The following SMIM21 variants were observed in gnomAD, a reference collection of about 807,000 sequenced individuals.
SMIM21 encodes the protein chromosome 18 open reading frame 62.
A neutral mutation model predicts 8.6 loss-of-function variants in SMIM21; 8 were observed. The observed-to-expected ratio is 0.93, with a 90% CI of 0.55 to 1.68. The LOEUF is 1.68. Among genes scored for constraint, SMIM21 ranks in the 40% most tolerant of loss-of-function variants. The probability of loss-of-function intolerance (pLI) is 0.00; values close to 1 mark genes in which losing one functional copy is unlikely to be tolerated. For synonymous variants in SMIM21, 43 were observed against 41.7 expected (o/e 1.03, Z -0.12); for missense variants, 132 against 123.0 (o/e 1.07, Z -0.35).
In SMIM21 at chr18:75,418,899, A is replaced by G. The variant is rs776156779; in HGVS notation, c.147T>C (p.His49=). Residue 49 remains histidine (H), a synonymous_variant, in exon 2 of 3, where the codon CAT becomes CAC. Transcript: ENST00000579022. The part of the protein sequence containing the change: ...KALTTFENEH[H]IRFFTLLVLF... Reference sequence around the variant, plus strand: ...GAACCAACAATGTGAAGAAACGAATATGGTGTTCATTTTCAAACTGAAAAA... The same window carrying G: ...GAACCAACAATGTGAAGAAACGAATGTGGTGTTCATTTTCAAACTGAAAAA... The G allele has an allele frequency of 3.1e-6, 5 of 1,600,808 alleles. No homozygotes were observed. The highest frequency in any genetic ancestry group is 2.7e-5 in the African/African-American group (2 of 74,648).
intron 1 of SMIM21, among the ~76,000 whole-genome samples, chr18:75,420,574 A>G (rs567916335): frequency 6.6e-6 from 1 of 152,320 alleles, no homozygotes; most frequent in East Asian, 1.9e-4. Context: ...TTAATGTTGC[A>G]AAAGGGCCAT....
chr18:75,421,694 A>C (rs1369232321), intron 1 of SMIM21, among the ~76,000 whole-genome samples: 3 of 152,182 alleles, frequency 2.0e-5, no homozygotes, highest in African/African-American at 7.2e-5. Context: ...GGAAGGCTGC[A>C]GGCCTGTAGG....
chr18:75,422,585 G>A (rs2144558117), intron 1 of SMIM21, among the ~76,000 whole-genome samples: 1 of 152,260 alleles, frequency 6.6e-6, no homozygotes, highest in Admixed American at 6.5e-5. Flanking sequence ...AGTGATGAAT[G>A]GATATACTAA....
chr18:75,420,821 G>A (rs2024700251), intron 1 of SMIM21, among the ~76,000 whole-genome samples: 1 of 152,136 alleles, frequency 6.6e-6, no homozygotes, highest in Non-Finnish European at 1.5e-5. Flanking sequence ...CCTTTTTCCA[G>A]GATCCTCCAG....
chr18:75,417,874 G>A (rs898093072), intron 2 of SMIM21: 4 of 243,096 alleles, frequency 1.6e-5, no homozygotes, highest in South Asian at 1.8e-4. Context: ...GATGGTCTTT[G>A]TAATGAGCTC....
intron 1 of SMIM21, among the ~76,000 whole-genome samples, chr18:75,421,574 T>C (rs937373289): frequency 2.0e-5 from 3 of 151,998 alleles, no homozygotes; most frequent in African/African-American, 4.8e-5. Context: ...AGTGTTTCTC[T>C]CACGTGGAGC....
intron 2 of SMIM21, 101 bp downstream of exon 2, chr18:75,418,685 G>A: frequency 8.4e-7 from 1 of 1,183,636 alleles, no homozygotes; most frequent in Middle Eastern, 2.2e-4. Flanking sequence ...TTGATTGCTT[G>A]ATGAATGTTC....
chr18:75,425,216 C>T (rs1368104861), intron 1 of SMIM21, among the ~76,000 whole-genome samples: 1 of 152,174 alleles, frequency 6.6e-6, no homozygotes, highest in African/African-American at 2.4e-5. Flanking sequence ...CCACAGCCTC[C>T]ATCCAGAGAT....
In SMIM21 at chr18:75,427,533, G is replaced by C. The variant is rs573792667; in HGVS notation, c.31C>G (p.Arg11Gly). Residue 11 changes from arginine to glycine, a missense_variant, in exon 1 of 3, where the codon CGA becomes GGA. Arg to Gly is a moderately radical substitution (Grantham distance 125). Coordinates refer to ENST00000579022, the MANE Select transcript of SMIM21 (RefSeq NM_001037331.3). ...GTTCCCAGCTGTGCTATAGGGAATCGGGGAGGAGCTGTGGACACATACTGG... is the reference window on the plus strand; with the variant it reads ...GTTCCCAGCTGTGCTATAGGGAATCCGGGAGGAGCTGTGGACACATACTGG... MDQYVSTAPP[R>G]FPIAQLGTFK... 1 of 1,613,486 alleles carries C rather than the reference G, an allele frequency of 6.2e-7. No homozygotes were observed. The highest frequency in any genetic ancestry group is 8.5e-7 in the Non-Finnish European group (1 of 1,179,784).
At chr18:75,413,837 C>T (rs2024608847) in intron 2 of SMIM21, among the ~76,000 whole-genome samples, 1 of 152,118 alleles carries the variant, frequency 6.6e-6, no homozygotes, top group Non-Finnish European at 1.5e-5. Flanking sequence ...AACACGTGAT[C>T]TGCATTGCTT....
chr18:75,418,767 A>T lies in SMIM21; in HGVS notation c.260+19T>A. On this transcript the variant is annotated intron_variant, in intron 2 of 2. Transcript: ENST00000579022. Reference sequence around the variant, plus strand: ...TATGTAGTATTTTTTTTTAACTGCTAAGGTTATCGTTTACCTACTTTCGAA... The same window carrying T: ...TATGTAGTATTTTTTTTTAACTGCTTAGGTTATCGTTTACCTACTTTCGAA... 1.3e-6 allele frequency: 2 copies of T among 1,589,964 alleles called. No individual in the cohort carries two copies. The highest frequency in any genetic ancestry group is 2.3e-5 in the South Asian group (2 of 87,472).
intron 2 of SMIM21, 150 bp from the exon 3 acceptor site, chr18:75,411,059 A>G (rs2024579022): frequency 8.8e-7 from 1 of 1,137,794 alleles, no homozygotes; most frequent in African/African-American, 1.6e-5. Flanking sequence ...TTTGAGGCTG[A>G]GGATTATACT....
chr18:75,418,108 T>TA (rs1189844858), intron 2 of SMIM21: 1 of 397,302 alleles, frequency 2.5e-6, no homozygotes, highest in Non-Finnish European at 4.4e-6. Context: ...GTGGGTGCTT[T>TA]ATTTTTATTT....
rs73973101 is a variant in SMIM21 at position 75,427,609 on chromosome 18, C to T, written c.-46G>A. 4,776 of 1,539,096 alleles carry T rather than the reference C, an allele frequency of 3.1e-3. 143 individuals carry two copies. The African/African-American group carries it at 0.058, about 19-fold the overall frequency. On this transcript the variant is annotated 5_prime_UTR_variant, in exon 1 of 3. Coordinates refer to ENST00000579022, the MANE Select transcript of SMIM21 (RefSeq NM_001037331.3). Reference sequence around the variant, plus strand: ...CAGTGAGAGGTCTCCTTGATGACAGCGACTCTGAGGACACAGAGCTGGTGC... The same window carrying T: ...CAGTGAGAGGTCTCCTTGATGACAGTGACTCTGAGGACACAGAGCTGGTGC...
chr18:75,422,746 T>C (rs2024722634), intron 1 of SMIM21, among the ~76,000 whole-genome samples: 1 of 152,198 alleles, frequency 6.6e-6, no homozygotes, highest in Non-Finnish European at 1.5e-5. Context: ...TTATCTGAAA[T>C]GTCCAGAATA....
rs1360589159 is a variant in SMIM21, at chr18:75,427,428, A to C, written c.129+7T>G. ...CATAACCCAAAGTTAAAGACCCATAAACTCACTGTGGTAAGTGCTTTCTTC... is the reference window on the plus strand; with the variant it reads ...CATAACCCAAAGTTAAAGACCCATACACTCACTGTGGTAAGTGCTTTCTTC... On this transcript the variant is annotated splice_region_variant and intron_variant, in intron 1 of 2. Transcript: ENST00000579022. The C allele has an allele frequency of 1.2e-6, 2 of 1,613,136 alleles. No homozygotes were observed. The highest frequency in any genetic ancestry group is 1.7e-6 in the Non-Finnish European group (2 of 1,179,572).
intron 1 of SMIM21, among the ~76,000 whole-genome samples, chr18:75,419,316 G>T (rs2024685202): frequency 6.6e-6 from 1 of 152,138 alleles, no homozygotes; most frequent in African/African-American, 2.4e-5. Flanking sequence ...TGACCAGTAT[G>T]ACTTTAGTGT....
intron 1 of SMIM21, among the ~76,000 whole-genome samples, chr18:75,426,244 ATTTG>A (rs769417210): frequency 2.6e-5 from 4 of 152,178 alleles, no homozygotes; most frequent in Admixed American, 6.5e-5. Flanking sequence ...GCCTTCTATA[ATTTG>A]TTTAAGACTG....
chr18:75,420,863 C>T (rs1217692670), intron 1 of SMIM21, among the ~76,000 whole-genome samples: 1 of 152,136 alleles, frequency 6.6e-6, no homozygotes, highest in Non-Finnish European at 1.5e-5. Context: ...TCTGGAGATC[C>T]ACTGACCTGG....
Sources: allele counts gnomAD v4.1 joint callset (sites outside exome capture counted in the v4.1 genomes callset), GRCh38; gene constraint gnomAD v4.1.1; transcripts MANE v1.5; gene names NCBI Gene and HGNC (gene_info 2026-07-23, HGNC 2026-07-21).